Variants in SORCS1 observed in about 807,000 individuals in gnomAD.
The protein encoded by SORCS1 is VPS10 domain-containing receptor SorCS1.
In SORCS1, 60 loss-of-function variants were observed where a neutral mutation model predicts 146.1. That is an observed-to-expected ratio of 0.41 (90% CI 0.33 to 0.51). SORCS1 has a LOEUF of 0.51. SORCS1 is among the 20% of genes least tolerant of loss of function. The pLI, the probability that SORCS1 is intolerant of heterozygous loss-of-function variation, is 0.21. For synonymous variants in SORCS1, 637 were observed against 584.0 expected (o/e 1.09, Z -1.31); for missense variants, 1,352 against 1,487.6 (o/e 0.91, Z 1.50).
Position 106,677,441 on chromosome 10 carries a change from C to T in SORCS1, c.1741-37G>A, listed in dbSNP as rs771418892. On this transcript the variant is annotated intron_variant, in intron 12 of 25. Coordinates refer to ENST00000263054, the MANE Select transcript of SORCS1 (RefSeq NM_052918.5). ...AAACACATACATGGACACACATCCA[C>T]ATCCACACATACCCAGGCTTCAGAG... 1.0e-5 allele frequency: 16 copies of T among 1,544,058 alleles called. No individual in the cohort carries two copies. The East Asian group carries it at 3.4e-4, about 33-fold the overall frequency.
intron 1 of SORCS1, among the ~76,000 whole-genome samples, chr10:107,022,410 T>G (rs1017426529): frequency 6.6e-6 from 1 of 152,130 alleles, no homozygotes; most frequent in African/African-American, 2.4e-5. Flanking sequence ...TTTAGCAGAA[T>G]TTCCGAATGT....
the SORCS1 span, among the ~76,000 whole-genome samples, chr10:107,174,744 A>G: frequency 6.6e-6 from 1 of 152,008 alleles, no homozygotes; most frequent in Non-Finnish European, 1.5e-5. Flanking sequence ...CTACTTCTCT[A>G]TTTGAAATAT....
chr10:107,176,786 A>G, the SORCS1 span, among the ~76,000 whole-genome samples: 2 of 152,178 alleles, frequency 1.3e-5, no homozygotes, highest in African/African-American at 4.8e-5. Flanking sequence ...TTCCAAGCAC[A>G]CTTGAATTAA....
intron 1 of SORCS1, among the ~76,000 whole-genome samples, chr10:106,957,255 C>T (rs1955004273): frequency 1.3e-5 from 2 of 149,802 alleles, no homozygotes; most frequent in Non-Finnish European, 3.0e-5. Context: ...CTCACTGCAA[C>T]CTCTGCCTCC....
chr10:106,708,395 A>G (rs535878412), intron 7 of SORCS1, among the ~76,000 whole-genome samples: 19 of 152,286 alleles, frequency 1.2e-4, no homozygotes, highest in African/African-American at 4.3e-4. Context: ...TAAATGTAAT[A>G]CTGTCTAGAA....
At chr10:106,747,313 C>A (rs772711776) in intron 5 of SORCS1, among the ~76,000 whole-genome samples, 13 of 152,200 alleles carry the variant, frequency 8.5e-5, no homozygotes, top group Admixed American at 3.9e-4. Context: ...TAGAGGAAGA[C>A]AGATCCTGAC....
rs142994220 is a variant in SORCS1, at chr10:106,688,210, G to T, written c.1542C>A (p.Asp514Glu). ...LQAPDTDLRG[D>E]PVHCLLPYCS... Reference sequence around the variant, plus strand: ...GACTCACCAGCAAGCAGTGCACGGGGTCCCCCCTTAGATCCGTGTCCGGCG... The same window carrying T: ...GACTCACCAGCAAGCAGTGCACGGGTTCCCCCCTTAGATCCGTGTCCGGCG... The change falls in exon 10 of 26, where the codon GAC becomes GAA. Residue 514 changes from aspartate to glutamate, a missense_variant. Physicochemically the swap from Asp to Glu is conservative, Grantham distance 45 (BLOSUM62 2). This residue lies in a region of SORCS1 where 648 missense variants were observed against 793.8 expected (regional missense o/e 0.82). Transcript: ENST00000263054. 4.3e-5 allele frequency: 69 copies of T among 1,613,690 alleles called. No homozygotes were observed. The highest frequency in any genetic ancestry group is 5.5e-5 in the South Asian group (5 of 91,032).
chr10:107,134,482 C>CA (rs1361491927), intron 1 of SORCS1, among the ~76,000 whole-genome samples: 1 of 151,930 alleles, frequency 6.6e-6, no homozygotes, highest in Non-Finnish European at 1.5e-5. Context: ...ACTAAAAATA[C>CA]AAAAAAATTA....
At chr10:106,818,554 C>T (rs545558869) in intron 3 of SORCS1, among the ~76,000 whole-genome samples, 134 of 152,118 alleles carry the variant, frequency 8.8e-4, no homozygotes, top group African/African-American at 3.1e-3. Context: ...TTAATAGAAA[C>T]GGGGTTTCAC....
At chr10:106,717,294 A>G (rs1855446088) in intron 6 of SORCS1, among the ~76,000 whole-genome samples, 1 of 152,256 alleles carries the variant, frequency 6.6e-6, no homozygotes. Flanking sequence ...TCACGCACGC[A>G]CACACGTGTC....
Position 106,976,168 on chromosome 10 carries a change from G to A in SORCS1, c.559-19588C>T, listed in dbSNP as rs1232050357. ...AAAAAAAAGCCATCTCCTCCATGAA[G>A]CCTTCCCAACCTCTTTTGACAGGGA... On this transcript the variant is annotated intron_variant, in intron 1 of 25. Coordinates refer to ENST00000263054, the MANE Select transcript of SORCS1 (RefSeq NM_052918.5). Among the ~76,000 whole-genome samples, 3 of 145,896 alleles carry A rather than the reference G, an allele frequency of 2.1e-5. No individual in the cohort carries two copies. The Admixed American group carries it at 2.1e-4, about 10-fold the overall frequency.
At chr10:106,635,938 G>A (rs1848699218) in intron 18 of SORCS1, among the ~76,000 whole-genome samples, 1 of 152,142 alleles carries the variant, frequency 6.6e-6, no homozygotes, top group Non-Finnish European at 1.5e-5. Flanking sequence ...CCATTATCCT[G>A]CATACCCTAC....
chr10:106,599,520 T>A (rs1846111105), intron 23 of SORCS1, among the ~76,000 whole-genome samples: 1 of 152,264 alleles, frequency 6.6e-6, no homozygotes, highest in South Asian at 2.1e-4. Flanking sequence ...AATCAGACAG[T>A]GGAGTTTTTA....
At chr10:107,132,107 G>A (rs553344670) in intron 1 of SORCS1, among the ~76,000 whole-genome samples, 3 of 152,182 alleles carry the variant, frequency 2.0e-5, no homozygotes, top group Non-Finnish European at 4.4e-5. Context: ...TAAAGGCATC[G>A]AATACAGGTC....
At chr10:107,130,250 T>A (rs926142035) in intron 1 of SORCS1, among the ~76,000 whole-genome samples, 16 of 151,980 alleles carry the variant, frequency 1.1e-4, no homozygotes, top group African/African-American at 2.9e-4. Flanking sequence ...GAGGAAAATT[T>A]AAAAAAAATA....
At chr10:106,639,957 G>T (rs566598252) in intron 18 of SORCS1, among the ~76,000 whole-genome samples, 7 of 151,906 alleles carry the variant, frequency 4.6e-5, no homozygotes, top group African/African-American at 7.3e-5. Context: ...GGTGGAGGTC[G>T]CAGTGAGCCA....
At chr10:106,725,590 T>TAAA (rs1466814667) in intron 6 of SORCS1, among the ~76,000 whole-genome samples, 1 of 59,204 alleles carries the variant, frequency 1.7e-5, no homozygotes, top group African/African-American at 5.5e-5. Flanking sequence ...AAATAAATAA[T>TAAA]AACAGTAATG....
At chr10:107,079,712 G>C (rs894256543) in intron 1 of SORCS1, among the ~76,000 whole-genome samples, 9 of 152,146 alleles carry the variant, frequency 5.9e-5, no homozygotes, top group African/African-American at 2.2e-4. Flanking sequence ...AAGGCCCAGA[G>C]TGAGTCAATC....
intron 19 of SORCS1, among the ~76,000 whole-genome samples, chr10:106,625,349 A>C (rs2133545812): frequency 6.6e-6 from 1 of 152,272 alleles, no homozygotes; most frequent in African/African-American, 2.4e-5. Flanking sequence ...GCAATGTTTA[A>C]AAAAGCTACT....
Sources: gnomAD v4.1 joint callset for allele counts (sites outside exome capture counted in the v4.1 genomes callset) on GRCh38, gnomAD v4.1.1 for gene constraint, gnomAD v4.1.1 regional missense constraint, MANE v1.5 for transcripts, NCBI Gene and HGNC (gene_info 2026-07-23, HGNC 2026-07-21) for gene names.